Variants in VDAC1 observed in about 807,000 individuals in gnomAD.
The protein encoded by VDAC1 is non-selective voltage-gated ion channel VDAC1.
In VDAC1, 10 loss-of-function variants were observed where a neutral mutation model predicts 34.7. The ratio of observed to expected loss-of-function variants is 0.29; its 90% CI spans 0.18 to 0.49. The LOEUF is 0.49. VDAC1 is among the 20% of genes least tolerant of loss of function. VDAC1 has a pLI of 0.99. For synonymous variants in VDAC1, 130 were observed against 136.0 expected, an observed-to-expected ratio of 0.96 and a Z score of 0.30; for missense variants, 230 against 347.9, an observed-to-expected ratio of 0.66 and a Z score of 2.69.
chr5:134,057,493 T>TATATCTATATCTATATC, the VDAC1 span, among the ~76,000 whole-genome samples: 1 of 134,522 alleles, frequency 7.4e-6, no homozygotes, highest in Non-Finnish European at 1.6e-5. Flanking sequence ...AAAAAAAAAT[T>TATATCTATATCTATATC]TATATCTATA....
intron 5 of VDAC1, among the ~76,000 whole-genome samples, chr5:133,985,633 G>A (rs537234325): frequency 6.6e-6 from 1 of 152,132 alleles, no homozygotes; most frequent in East Asian, 1.9e-4. Flanking sequence ...CAGCCTGAGC[G>A]ACAGAGCAAG....
At chr5:134,058,423 T>C in the VDAC1 span, among the ~76,000 whole-genome samples, 2 of 150,146 alleles carry the variant, frequency 1.3e-5, no homozygotes, top group African/African-American at 2.4e-5. Flanking sequence ...ACGCCATTCT[T>C]CTGCCTCAGC....
the VDAC1 span, among the ~76,000 whole-genome samples, chr5:134,039,618 C>T: frequency 1.3e-5 from 2 of 152,156 alleles, no homozygotes; most frequent in East Asian, 1.9e-4. Flanking sequence ...CGTGAGCCAC[C>T]GCGCCCGGCA....
chr5:134,066,155 G>A, the VDAC1 span, among the ~76,000 whole-genome samples: 1 of 151,786 alleles, frequency 6.6e-6, no homozygotes, highest in Non-Finnish European at 1.5e-5. Context: ...TGCCCAGGCT[G>A]GAGAGTGCTG....
chr5:133,975,532 C>A (rs1752444330), intron 7 of VDAC1, among the ~76,000 whole-genome samples: 1 of 151,624 alleles, frequency 6.6e-6, no homozygotes, highest in Non-Finnish European at 1.5e-5. Context: ...ACGATCTCAG[C>A]TCACTGCAAC....
At position 134,004,748 on chromosome 5, in the gene VDAC1, C is replaced by CA. The variant is rs1161780548; in HGVS notation, c.-7+146dup. On this transcript the variant is annotated intron_variant, in intron 1 of 8. Coordinates refer to ENST00000265333, the MANE Select transcript of VDAC1 (RefSeq NM_003374.3). Reference sequence around the variant, plus strand: ...AGCGGAGCCGAGCGAGCGGCTGGGCCAAGGGCGGGGCGGCGCGGACGGCGG... The same window carrying CA: ...AGCGGAGCCGAGCGAGCGGCTGGGCCAAAGGGCGGGGCGGCGCGGACGGCGG... The CA allele has an allele frequency of 1.1e-4, 17 of 150,204 alleles. No homozygotes were observed. The East Asian group carries it at 3.1e-3, about 27-fold the overall frequency. 9.3% of individuals were successfully genotyped at this position (150,204 alleles called of 1,614,324 possible). A position where few individuals can be genotyped will look rare whatever the true frequency, so the allele number is the denominator to read the frequency against.
intron 5 of VDAC1, among the ~76,000 whole-genome samples, chr5:133,983,956 G>A (rs890281652): frequency 6.6e-5 from 10 of 152,092 alleles, no homozygotes; most frequent in South Asian, 4.1e-4. Context: ...GCTTCCTGAC[G>A]CCTTCCCAGA....
At chr5:134,031,185 CAT>C in the VDAC1 span, among the ~76,000 whole-genome samples, 1 of 152,080 alleles carries the variant, frequency 6.6e-6, no homozygotes, top group Non-Finnish European at 1.5e-5. Flanking sequence ...CTAAATCCAA[CAT>C]AGGATTTTAG....
chr5:134,045,414 C>T, the VDAC1 span, among the ~76,000 whole-genome samples: 37 of 152,352 alleles, frequency 2.4e-4, no homozygotes, highest in South Asian at 3.7e-3. Flanking sequence ...ACCAAGGTGC[C>T]TGCAGAGCTG....
At chr5:134,072,275 GA>G in the VDAC1 span, among the ~76,000 whole-genome samples, 1 of 152,170 alleles carries the variant, frequency 6.6e-6, no homozygotes, top group African/African-American at 2.4e-5. Flanking sequence ...CAACCAGAGA[GA>G]GAGGGTACCC....
At chr5:134,027,638 T>C in the VDAC1 span, among the ~76,000 whole-genome samples, 1 of 152,124 alleles carries the variant, frequency 6.6e-6, no homozygotes, top group African/African-American at 2.4e-5. Context: ...CCCACATTAA[T>C]TGAAAAGACA....
chr5:134,045,888 T>C, the VDAC1 span, among the ~76,000 whole-genome samples: 1 of 151,852 alleles, frequency 6.6e-6, no homozygotes, highest in South Asian at 2.1e-4. Context: ...TTTCTCCGTG[T>C]TGGTCAGGCT....
At chr5:133,999,374 G>A (rs1753451894) in intron 1 of VDAC1, among the ~76,000 whole-genome samples, 1 of 152,158 alleles carries the variant, frequency 6.6e-6, no homozygotes, top group Non-Finnish European at 1.5e-5. Context: ...ATCTGGCATG[G>A]AGTAAGTGTT....
At chr5:133,982,134 G>A (rs1222841030) in intron 5 of VDAC1, among the ~76,000 whole-genome samples, 3 of 152,172 alleles carry the variant, frequency 2.0e-5, no homozygotes, top group Non-Finnish European at 4.4e-5. Context: ...CAAGGGCTTC[G>A]ACAATGGAGC....
At chr5:134,048,276 T>C in the VDAC1 span, among the ~76,000 whole-genome samples, 145 of 151,828 alleles carry the variant, frequency 9.6e-4, no homozygotes, top group African/African-American at 3.3e-3. Flanking sequence ...CCTTTTTTTT[T>C]TCTCTCTTTT....
At position 133,976,235 on chromosome 5, in the gene VDAC1, G is replaced by C. The variant is rs542828409; in HGVS notation, c.552-214C>G. 7.4e-6 allele frequency: 4 copies of C among 541,210 alleles called. No individual in the cohort carries two copies. In the South Asian group the frequency reaches 8.7e-5, roughly 12 times the overall value. 33.5% of individuals were successfully genotyped at this position (541,210 alleles called of 1,614,324 possible). ...TGGAACAGGCACCTAGCCAGGCACA[G>C]TGGCTCACACCTGTAATCCCAGCAC... On this transcript the variant is annotated intron_variant, in intron 6 of 8. Transcript: ENST00000265333.
the VDAC1 span, among the ~76,000 whole-genome samples, chr5:134,018,716 T>A: frequency 1.3e-5 from 2 of 152,028 alleles, no homozygotes; most frequent in East Asian, 3.9e-4. Context: ...AAACGAACAA[T>A]GTGATTTAGG....
At chr5:134,079,233 C>T in the VDAC1 span, among the ~76,000 whole-genome samples, 1 of 152,150 alleles carries the variant, frequency 6.6e-6, no homozygotes, top group Non-Finnish European at 1.5e-5. Flanking sequence ...CCTGCCTCAG[C>T]CTCCCGCAGT....
chr5:133,978,294 C>T (rs1458003712), intron 6 of VDAC1, among the ~76,000 whole-genome samples: 3 of 152,004 alleles, frequency 2.0e-5, no homozygotes, highest in Non-Finnish European at 4.4e-5. Flanking sequence ...TGCCACCATG[C>T]CCAGCTAATT....
Sources: allele counts gnomAD v4.1 joint callset (sites outside exome capture counted in the v4.1 genomes callset), GRCh38; gene constraint gnomAD v4.1.1; transcripts MANE v1.5; gene names NCBI Gene and HGNC (gene_info 2026-07-23, HGNC 2026-07-21).